The following DENND2A variants were observed in gnomAD, a reference collection of about 807,000 sequenced individuals.
DENND2A encodes DENN domain-containing protein 2A.
Under a neutral mutation model 105.3 loss-of-function variants are expected in DENND2A, and 53 were observed. The observed-to-expected ratio is 0.50, with a 90% CI of 0.40 to 0.63. The LOEUF (loss-of-function observed/expected upper bound fraction) is 0.63, where lower values mean the gene tolerates loss of function less well. Among genes scored for constraint, DENND2A ranks in the 30% least tolerant of loss-of-function variants. The pLI is 0.00. For missense variants in DENND2A, 1,138 were observed against 1,279.6 expected (o/e 0.89, Z 1.69); for synonymous variants, 522 against 508.4 (o/e 1.03, Z -0.36).
At chr7:140,572,214 C>T (rs987009227) in intron 6 of DENND2A, among the ~76,000 whole-genome samples, 1 of 151,648 alleles carries the variant, frequency 6.6e-6, no homozygotes, top group African/African-American at 2.4e-5. Flanking sequence ...ACCATGTTGC[C>T]CAGGCTGGTC....
chr7:140,553,710 T>G (rs531667442), intron 12 of DENND2A, among the ~76,000 whole-genome samples: 1 of 152,228 alleles, frequency 6.6e-6, no homozygotes, highest in African/African-American at 2.4e-5. Context: ...TTAACGAGCA[T>G]GCTGCCTTCA....
rs370020995 is a variant in DENND2A, at chr7:140,522,033, C to T, written c.2733G>A (p.Val911=). 1.2e-6 allele frequency: 2 copies of T among 1,614,182 alleles called. No homozygotes were observed. Among genetic ancestry groups the T allele is most frequent in the Non-Finnish European group, 1.7e-6 (2 of 1,180,042 alleles). ...EAFVRFFVEI[V]GHYSLFLTSG... ...ACGTCAGGAACAAAGAGTAGTGTCC[C>T]ACAATCTCCACGAAGAAGCGGACAA... is the stretch of plus-strand genomic sequence containing the variant. The change falls in exon 18 of 20, where the codon GTG becomes GTA. Residue 911 remains valine, a synonymous_variant. Transcript: ENST00000496613.
At chr7:140,563,744 T>C (rs938453468) in intron 9 of DENND2A, among the ~76,000 whole-genome samples, 3 of 115,972 alleles carry the variant, frequency 2.6e-5, no homozygotes, top group South Asian at 2.8e-4. Flanking sequence ...AAGGCCGAGG[T>C]AGGGAGATCG....
chr7:140,552,376 C>A (rs1482423725), intron 12 of DENND2A, among the ~76,000 whole-genome samples: 4 of 151,088 alleles, frequency 2.6e-5, no homozygotes, highest in African/African-American at 7.3e-5. Flanking sequence ...TCTCCCTCTC[C>A]TTTCCCTTCC....
intron 3 of DENND2A, among the ~76,000 whole-genome samples, chr7:140,592,114 G>A (rs1458902714): frequency 5.6e-5 from 8 of 142,780 alleles, no homozygotes; most frequent in East Asian, 4.1e-4. Context: ...ATCTCGGCTC[G>A]CTGCAGCCTC....
At chr7:140,567,459 T>G (rs1797915243) in intron 8 of DENND2A, among the ~76,000 whole-genome samples, 186 bp from the exon 9 acceptor site, 1 of 152,226 alleles carries the variant, frequency 6.6e-6, no homozygotes, top group East Asian at 1.9e-4. Flanking sequence ...AAAGTGTTTC[T>G]GTGTCTAACA....
rs1392658936 is a variant in DENND2A at position 140,523,709 on chromosome 7, G to T, written c.2548-285C>A. On this transcript the variant is annotated intron_variant, in intron 16 of 19. Transcript: ENST00000496613. The surrounding 1 kb of genome is among the most constrained non-coding windows in gnomAD (Gnocchi z 4.5). The stretch of plus-strand genomic sequence containing the variant: ...TCTGCCTCAGCCTCCCAAGTAGCTG[G>T]AACTACAGGCGCGTGCCACCGCTCC... Among the ~76,000 whole-genome samples, 2 of 152,132 alleles carry T rather than the reference G, an allele frequency of 1.3e-5. No homozygotes were observed. The highest frequency in any genetic ancestry group is 2.9e-5 in the Non-Finnish European group (2 of 68,026).
chr7:140,623,828 G>T (rs750240489), intron 1 of DENND2A, among the ~76,000 whole-genome samples: 10 of 151,912 alleles, frequency 6.6e-5, no homozygotes, highest in Non-Finnish European at 1.3e-4. Context: ...TTTCCTCCTC[G>T]CTTGCTTCCT....
intron 13 of DENND2A, 92 bp downstream of exon 13, chr7:140,546,707 C>T: frequency 2.0e-6 from 3 of 1,501,706 alleles, no homozygotes; most frequent in Admixed American, 3.9e-5. Flanking sequence ...AGGAATTGGA[C>T]TGCTCACTGA....
intron 15 of DENND2A, among the ~76,000 whole-genome samples, chr7:140,526,158 C>G (rs1796047967): frequency 6.6e-6 from 1 of 152,210 alleles, no homozygotes; most frequent in South Asian, 2.1e-4. Context: ...CACCCTAGGG[C>G]CCCTGCCTTG....
intron 9 of DENND2A, among the ~76,000 whole-genome samples, chr7:140,563,557 A>T (rs1165427140): frequency 6.6e-6 from 1 of 151,980 alleles, no homozygotes; most frequent in African/African-American, 2.4e-5. Flanking sequence ...AAAAGTTTAA[A>T]AAGAGAAGAG....
chr7:140,638,773 G>A (rs1340584618), intron 1 of DENND2A, among the ~76,000 whole-genome samples: 1 of 152,204 alleles, frequency 6.6e-6, no homozygotes, highest in Non-Finnish European at 1.5e-5. Context: ...TGGTGAGGCG[G>A]TTTTCAGGGC....
At chr7:140,534,479 T>G (rs1353641938) in intron 14 of DENND2A, among the ~76,000 whole-genome samples, 2 of 151,082 alleles carry the variant, frequency 1.3e-5, no homozygotes, top group African/African-American at 4.9e-5. Context: ...TTCCTCAAAA[T>G]AAATGATAGA....
intron 11 of DENND2A, among the ~76,000 whole-genome samples, chr7:140,556,514 A>G (rs943189501): frequency 1.3e-5 from 2 of 150,934 alleles, no homozygotes; most frequent in Non-Finnish European, 2.9e-5. Context: ...ATTTTTTTGT[A>G]TTTTTAGTAG....
chr7:140,540,760 C>T (rs2130509443), intron 14 of DENND2A, among the ~76,000 whole-genome samples: 1 of 152,062 alleles, frequency 6.6e-6, no homozygotes, highest in African/African-American at 2.4e-5. Flanking sequence ...CTCTGTCGCC[C>T]AGGCAGGAGT....
chr7:140,547,980 C>A (rs185431246), intron 12 of DENND2A, among the ~76,000 whole-genome samples: 3 of 152,066 alleles, frequency 2.0e-5, no homozygotes, highest in African/African-American at 7.2e-5. Context: ...TAGGGAGTGG[C>A]GGCTAATAGG....
At position 140,601,554 on chromosome 7, in the gene DENND2A, C is replaced by T; in HGVS notation, c.844G>A (p.Asp282Asn). The part of the protein sequence containing the change: ...TFKHAGEGDK[D>N]GKPGIGFRKE... ...CTGAAGCCGATGCCAGGCTTCCCAT[C>T]TTTGTCCCCTTCTCCGGCATGTTTG... Residue 282 changes from aspartate (D) to asparagine (N), a missense_variant, in exon 3 of 20, where the codon GAT (aspartate) becomes AAT (asparagine). Asp to Asn is a conservative substitution (Grantham distance 23, BLOSUM62 1). This residue lies in a region of DENND2A where 511 missense variants were observed against 499.9 expected (regional missense o/e 1.02). Transcript: ENST00000496613. 1 of 1,614,194 alleles carries T rather than the reference C, an allele frequency of 6.2e-7. No homozygotes were observed. The highest frequency in any genetic ancestry group is 8.5e-7 in the Non-Finnish European group (1 of 1,180,038).
intron 14 of DENND2A, among the ~76,000 whole-genome samples, chr7:140,542,341 C>G (rs1027826001): frequency 1.3e-5 from 2 of 152,068 alleles, no homozygotes; most frequent in Non-Finnish European, 2.9e-5. Flanking sequence ...CCCACTGGGA[C>G]GGGGGTGGCC....
In DENND2A at chr7:140,559,352, A is replaced by G. The variant is rs1024548446; in HGVS notation, c.1889+356T>C. ...TGTCTAATTACTCGGGATGAAGCAG[A>G]AATGTAAACGGATCCCAATCCAAGA... is the stretch of plus-strand genomic sequence containing the variant. On this transcript the variant is annotated intron_variant, in intron 10 of 19. Transcript: ENST00000496613. This position sits in a 1 kb window ranked among gnomAD's most constrained non-coding sequence, Gnocchi z 4.1. Among the ~76,000 whole-genome samples, 3 of 152,256 alleles carry G rather than the reference A, an allele frequency of 2.0e-5. No homozygotes were observed. The highest frequency in any genetic ancestry group is 7.2e-5 in the African/African-American group (3 of 41,462).
Sources: gnomAD v4.1 joint callset for allele counts (sites outside exome capture counted in the v4.1 genomes callset) on GRCh38, gnomAD v4.1.1 for gene constraint, gnomAD v4.1.1 regional missense constraint, Gnocchi (gnomAD v3.1) non-coding constraint, MANE v1.5 for transcripts, NCBI Gene and HGNC (gene_info 2026-07-23, HGNC 2026-07-21) for gene names.